The following BTBD9 variants were observed in gnomAD, a reference collection of about 807,000 sequenced individuals.
The protein encoded by BTBD9 is BTB domain containing 9.
A neutral mutation model predicts 64.3 loss-of-function variants in BTBD9; 49 were observed. The observed-to-expected ratio is 0.76, with a 90% CI of 0.61 to 0.97. The LOEUF is 0.97. BTBD9 is among the 50% of genes least tolerant of loss of function. The pLI is 0.00. For synonymous variants in BTBD9, 260 were observed against 274.7 expected, an observed-to-expected ratio of 0.95 and a Z score of 0.53; for missense variants, 598 against 762.1, an observed-to-expected ratio of 0.78 and a Z score of 2.53.
At chr6:38,516,014 A>G (rs1773007615) in intron 6 of BTBD9, among the ~76,000 whole-genome samples, 1 of 152,242 alleles carries the variant, frequency 6.6e-6, no homozygotes, top group African/African-American at 2.4e-5. Flanking sequence ...GTAGTTACAT[A>G]ACAGACTAAA....
intron 8 of BTBD9, among the ~76,000 whole-genome samples, chr6:38,269,293 G>A (rs1032073666): frequency 6.6e-6 from 1 of 152,036 alleles, no homozygotes; most frequent in Non-Finnish European, 1.5e-5. Context: ...AATTTAATAT[G>A]TAACTGTGTG....
intron 6 of BTBD9, among the ~76,000 whole-genome samples, chr6:38,351,613 T>G (rs944320456): frequency 2.6e-4 from 38 of 148,560 alleles, no homozygotes; most frequent in African/African-American, 9.4e-4. Context: ...GCCATTTTCC[T>G]GCCTCAGCCT....
In BTBD9 at chr6:38,587,991, C is replaced by T. The variant is rs1224055721; in HGVS notation, c.814+4585G>A. 4 of 742,174 alleles carry T rather than the reference C, an allele frequency of 5.4e-6. No homozygotes were observed. The East Asian group carries it at 1.0e-4, about 18-fold the overall frequency. 46.0% of individuals were successfully genotyped at this position (742,174 alleles called of 1,614,324 possible). A position where few individuals can be genotyped will look rare whatever the true frequency, so the allele number is the denominator to read the frequency against. ...GCCTCCTCCTCAGTAGCAGCTCACC[C>T]ACCAGGAGTTCAGCCACAGCAACCA... On this transcript the variant is annotated intron_variant, in intron 4 of 10. Coordinates refer to ENST00000481247, the MANE Select transcript of BTBD9 (RefSeq NM_001099272.2).
chr6:38,598,670 C>A (rs771161184), intron 1 of BTBD9, among the ~76,000 whole-genome samples: 18 of 152,084 alleles, frequency 1.2e-4, no homozygotes, highest in Non-Finnish European at 2.5e-4. Flanking sequence ...GTAATCCCAG[C>A]ACTTTGGGAG....
At chr6:38,325,223 G>T (rs1763375938) in intron 7 of BTBD9, among the ~76,000 whole-genome samples, 1 of 152,008 alleles carries the variant, frequency 6.6e-6, no homozygotes, top group Non-Finnish European at 1.5e-5. Context: ...ACAAGAATAG[G>T]AGTATATTAA....
intron 8 of BTBD9, among the ~76,000 whole-genome samples, chr6:38,261,009 A>G (rs557103188): frequency 3.3e-5 from 5 of 152,152 alleles, no homozygotes; most frequent in Admixed American, 3.3e-4. Context: ...GCACAATCAT[A>G]GCTCACTGCA....
At chr6:38,605,515 TAA>T (rs915471487) in intron 1 of BTBD9, among the ~76,000 whole-genome samples, 10 of 152,206 alleles carry the variant, frequency 6.6e-5, no homozygotes, top group African/African-American at 2.4e-4. Context: ...TGGGAAGTAT[TAA>T]GTTAACATGT....
At chr6:38,592,213 G>T (rs1314341647) in intron 4 of BTBD9, among the ~76,000 whole-genome samples, 1 of 151,866 alleles carries the variant, frequency 6.6e-6, no homozygotes, top group African/African-American at 2.4e-5. Context: ...CATGTTCATG[G>T]TACCCAAAAT....
chr6:38,606,284 C>A (rs538974078), intron 1 of BTBD9, among the ~76,000 whole-genome samples: 1 of 152,250 alleles, frequency 6.6e-6, no homozygotes, highest in African/African-American at 2.4e-5. Context: ...CCTTAATAAA[C>A]TCCCCTTCAT....
At chr6:38,375,891 AAAAGAAAGAAAGAAAG>A (rs70981544) in intron 6 of BTBD9, among the ~76,000 whole-genome samples, 29 of 122,378 alleles carry the variant, frequency 2.4e-4, no homozygotes, top group Non-Finnish European at 3.9e-4. Flanking sequence ...AGAAAGAAAG[AAAAGAAAGAAAGAAAG>A]AAAGAAAGAA....
chr6:38,541,383 G>A (rs193000380), intron 6 of BTBD9, among the ~76,000 whole-genome samples: 3 of 152,316 alleles, frequency 2.0e-5, no homozygotes, highest in Non-Finnish European at 4.4e-5. Flanking sequence ...ATAAGGAAGA[G>A]GGAAGAATTC....
At chr6:38,543,623 T>C (rs13200466) in intron 6 of BTBD9, among the ~76,000 whole-genome samples, 28,251 of 152,006 alleles carry the variant, frequency 0.19, 2,675 homozygotes, top group East Asian at 0.27. Context: ...ATTCAAAAAA[T>C]ATACATTGCA....
chr6:38,492,664 T>C (rs1482487539), intron 6 of BTBD9, among the ~76,000 whole-genome samples: 1 of 152,224 alleles, frequency 6.6e-6, no homozygotes, highest in Non-Finnish European at 1.5e-5. Context: ...ATTTTGTGTG[T>C]ATGTATAATA....
chr6:38,446,752 C>T (rs1472690701), intron 6 of BTBD9, among the ~76,000 whole-genome samples: 1 of 152,194 alleles, frequency 6.6e-6, no homozygotes, highest in Admixed American at 6.5e-5. Context: ...AAGGCTTAAA[C>T]AAGTAGCTTA....
At chr6:38,607,764 C>T (rs1163490612) in intron 1 of BTBD9, among the ~76,000 whole-genome samples, 3 of 87,168 alleles carry the variant, frequency 3.4e-5, no homozygotes, top group Non-Finnish European at 6.4e-5. Context: ...TCAAGACTCC[C>T]AAGGCAAAAA....
At chr6:38,552,924 C>T (rs1774877198) in intron 6 of BTBD9, among the ~76,000 whole-genome samples, 1 of 152,122 alleles carries the variant, frequency 6.6e-6, no homozygotes, top group African/African-American at 2.4e-5. Flanking sequence ...ATATCAAAAT[C>T]TACAGATGCT....
chr6:38,594,304 C>T lies in BTBD9; in HGVS notation c.209G>A (p.Arg70Gln), dbSNP rs1018361727. 2 of 1,612,798 alleles carry T rather than the reference C, an allele frequency of 1.2e-6. No homozygotes were observed. The highest frequency in any genetic ancestry group is 1.3e-5 in the African/African-American group (1 of 74,986). ...YFRALLYGGMRESQPEAEIPL... is the reference protein window; with the variant it reads ...YFRALLYGGMQESQPEAEIPL... ...AATTTCTGCTTCAGGCTGAGACTCT[C>T]GCATTCCACCATATAATAATGCTCT... The change falls in exon 3 of 11, where the codon CGA (arginine) becomes CAA (glutamine). Residue 70 changes from arginine (R) to glutamine (Q), a missense_variant. Coordinates refer to ENST00000481247, the MANE Select transcript of BTBD9 (RefSeq NM_001099272.2).
At chr6:38,215,240 C>G (rs942222054) in intron 9 of BTBD9, among the ~76,000 whole-genome samples, 25 of 152,332 alleles carry the variant, frequency 1.6e-4, no homozygotes, top group African/African-American at 5.8e-4. Flanking sequence ...GGCTTACTGT[C>G]TGGCAATTCA....
chr6:38,524,396 C>A (rs1300679598), intron 6 of BTBD9, among the ~76,000 whole-genome samples: 1 of 151,862 alleles, frequency 6.6e-6, no homozygotes. Flanking sequence ...TTAAAAAAAT[C>A]CCAGAAAAAA....
Sources: gnomAD v4.1 joint callset for allele counts (sites outside exome capture counted in the v4.1 genomes callset) on GRCh38, gnomAD v4.1.1 for gene constraint, MANE v1.5 for transcripts, NCBI Gene and HGNC (gene_info 2026-07-23, HGNC 2026-07-21) for gene names.